Variants in TASP1 observed in about 807,000 individuals in gnomAD.
The protein encoded by TASP1 is taspase 1.
Under a neutral mutation model 56.6 loss-of-function variants are expected in TASP1, and 16 were observed. The observed-to-expected ratio is 0.28, with a 90% confidence interval of 0.19 to 0.43. The LOEUF is 0.43. TASP1 is among the 20% of genes least tolerant of loss of function. TASP1 has a pLI of 1.00. For missense variants in TASP1, 393 were observed against 511.6 expected (o/e 0.77, Z 2.24); for synonymous variants, 179 against 184.2 (o/e 0.97, Z 0.23).
At chr20:13,352,917 T>C in the TASP1 span, among the ~76,000 whole-genome samples, 2 of 152,208 alleles carry the variant, frequency 1.3e-5, no homozygotes, top group East Asian at 1.9e-4. Flanking sequence ...GAGTTCCTTT[T>C]CTACTCTCTT....
At chr20:13,540,120 G>C (rs2045568268) in intron 8 of TASP1, among the ~76,000 whole-genome samples, 1 of 152,152 alleles carries the variant, frequency 6.6e-6, no homozygotes, top group South Asian at 2.1e-4. Context: ...GTTAAAGATT[G>C]AGAACCTGGG....
chr20:13,246,962 C>A, the TASP1 span, among the ~76,000 whole-genome samples: 1 of 151,860 alleles, frequency 6.6e-6, no homozygotes, highest in Admixed American at 6.6e-5. Context: ...AGTGCCGGGC[C>A]CAGTGGCTCA....
At chr20:13,266,216 C>T in the TASP1 span, among the ~76,000 whole-genome samples, 2 of 152,168 alleles carry the variant, frequency 1.3e-5, no homozygotes, top group Non-Finnish European at 2.9e-5. Flanking sequence ...AAAGAGGGGA[C>T]TAGACATTGG....
chr20:13,515,824 A>C (rs961497672), intron 10 of TASP1, among the ~76,000 whole-genome samples: 7 of 152,132 alleles, frequency 4.6e-5, no homozygotes, highest in African/African-American at 1.7e-4. Context: ...TATACCATGG[A>C]CAACTTTCAT....
At chr20:13,321,090 T>C in the TASP1 span, among the ~76,000 whole-genome samples, 8 of 151,238 alleles carry the variant, frequency 5.3e-5, no homozygotes, top group Non-Finnish European at 8.8e-5. Flanking sequence ...TCCCAGCAAC[T>C]CAGGAGGCTG....
intron 6 of TASP1, 51 bp downstream of exon 6, chr20:13,580,846 G>A (rs758062443): frequency 6.3e-7 from 1 of 1,577,940 alleles, no homozygotes; most frequent in Non-Finnish European, 8.7e-7. Context: ...AGCCTTCTGT[G>A]GATAAAAATG....
the TASP1 span, among the ~76,000 whole-genome samples, chr20:13,285,345 A>G: frequency 1.3e-5 from 2 of 152,188 alleles, no homozygotes; most frequent in Non-Finnish European, 2.9e-5. Context: ...AATTAAAGGA[A>G]TGAAAGAGTT....
chr20:13,157,995 T>C, the TASP1 span, among the ~76,000 whole-genome samples: 11 of 152,368 alleles, frequency 7.2e-5, no homozygotes, highest in Admixed American at 4.6e-4. Flanking sequence ...AGCCTTGTTA[T>C]AACTCTACCA....
At chr20:13,392,844 TG>T in intron 13 of TASP1, 1 of 667,554 alleles carries the variant, frequency 1.5e-6, no homozygotes, top group Non-Finnish European at 2.7e-6. Flanking sequence ...GCAAATCCCA[TG>T]GCACCATCAA....
At chr20:13,626,705 T>C (rs766692401) in intron 2 of TASP1, among the ~76,000 whole-genome samples, 1 of 152,204 alleles carries the variant, frequency 6.6e-6, no homozygotes, top group Non-Finnish European at 1.5e-5. Context: ...CAATATTTAA[T>C]AGGCCTCTCT....
At chr20:13,547,463 G>A (rs1387148560) in intron 8 of TASP1, among the ~76,000 whole-genome samples, 1 of 152,122 alleles carries the variant, frequency 6.6e-6, no homozygotes, top group African/African-American at 2.4e-5. Flanking sequence ...ACTGAAAAGA[G>A]AAATATATTT....
the TASP1 span, among the ~76,000 whole-genome samples, chr20:13,275,713 AG>A: frequency 6.6e-6 from 1 of 152,376 alleles, no homozygotes; most frequent in Non-Finnish European, 1.5e-5. Flanking sequence ...TGAAGTGCTT[AG>A]CACAGGGCCC....
chr20:13,156,223 C>T, the TASP1 span, among the ~76,000 whole-genome samples: 2 of 152,180 alleles, frequency 1.3e-5, no homozygotes, highest in Admixed American at 1.3e-4. Context: ...GTATAAAACA[C>T]ATAATTCTGG....
At chr20:13,493,819 T>C (rs371047574) in intron 10 of TASP1, among the ~76,000 whole-genome samples, 1 of 152,202 alleles carries the variant, frequency 6.6e-6, no homozygotes, top group Non-Finnish European at 1.5e-5. Context: ...CCAATATTCA[T>C]TTTGAGTGTT....
At chr20:13,120,820 T>C in the TASP1 span, among the ~76,000 whole-genome samples, 1 of 152,220 alleles carries the variant, frequency 6.6e-6, no homozygotes, top group East Asian at 1.9e-4. Flanking sequence ...ATCCCCACTT[T>C]CCACCTCAAG....
the TASP1 span, among the ~76,000 whole-genome samples, chr20:13,376,023 G>T: frequency 6.6e-6 from 1 of 152,040 alleles, no homozygotes; most frequent in African/African-American, 2.4e-5. Flanking sequence ...CATTCTGTAG[G>T]TTGCCTGTTC....
At chr20:13,279,086 C>T in the TASP1 span, among the ~76,000 whole-genome samples, 1 of 152,168 alleles carries the variant, frequency 6.6e-6, no homozygotes, top group African/African-American at 2.4e-5. Context: ...CCACCTCTCT[C>T]AATGGGAGAT....
chr20:13,614,117 C>A (rs1419782214), intron 4 of TASP1, among the ~76,000 whole-genome samples: 1 of 152,084 alleles, frequency 6.6e-6, no homozygotes, highest in Non-Finnish European at 1.5e-5. Flanking sequence ...CTTAGACAGC[C>A]TGGAATTATA....
the TASP1 span, among the ~76,000 whole-genome samples, chr20:13,282,946 T>C: frequency 3.5e-4 from 54 of 152,394 alleles, no homozygotes; most frequent in Non-Finnish European, 7.2e-4. Context: ...TGATCATTGC[T>C]TCCCAGGATA....
Sources: gnomAD v4.1 joint callset for allele counts (sites outside exome capture counted in the v4.1 genomes callset) on GRCh38, gnomAD v4.1.1 for gene constraint, MANE v1.5 for transcripts, NCBI Gene and HGNC (gene_info 2026-07-23, HGNC 2026-07-21) for gene names.